LRPPRC: variants seen among roughly 807,000 people sequenced by gnomAD.
LRPPRC encodes the protein leucine-rich PPR motif-containing protein, mitochondrial.
In LRPPRC, 120 loss-of-function variants were observed where a neutral mutation model predicts 180.3. The observed-to-expected ratio is 0.67, with a 90% CI of 0.57 to 0.77. LRPPRC has a LOEUF of 0.77. Among genes scored for constraint, LRPPRC ranks in the 30% least tolerant of loss-of-function variants. LRPPRC has a pLI of 0.00. For missense variants in LRPPRC, 2,012 were observed against 1,657.2 expected (o/e 1.21, Z -3.72); for synonymous variants, 723 against 600.0 (o/e 1.21, Z -3.00).
chr2:43,965,276 G>A (rs1275575606), intron 11 of LRPPRC, among the ~76,000 whole-genome samples: 2 of 152,232 alleles, frequency 1.3e-5, no homozygotes, highest in East Asian at 3.9e-4. Flanking sequence ...GGTCAAGCTG[G>A]TCTTGAACCC....
chr2:43,892,767 A>G (rs1032695880), intron 36 of LRPPRC: 1 of 152,170 alleles, frequency 6.6e-6, no homozygotes, highest in Non-Finnish European at 1.5e-5. Flanking sequence ...CAAAGATGAC[A>G]CGCAAATGTG....
At chr2:43,910,858 G>A (rs947049560) in intron 30 of LRPPRC, among the ~76,000 whole-genome samples, 1 of 152,004 alleles carries the variant, frequency 6.6e-6, no homozygotes, top group Non-Finnish European at 1.5e-5. Flanking sequence ...GTACTTTCAG[G>A]AAGCATTTCA....
chr2:43,912,704 C>G (rs1451323860), intron 29 of LRPPRC, 146 bp from the exon 30 acceptor site: 3 of 635,608 alleles, frequency 4.7e-6, no homozygotes, highest in Non-Finnish European at 8.4e-6. Context: ...GAGAGACACA[C>G]TGACATAATT....
rs948863951 is a variant in LRPPRC, at chr2:43,995,841, G to A, written c.107C>T (p.Ala36Val). The A allele has an allele frequency of 1.5e-5, 22 of 1,457,614 alleles. No homozygotes were observed. In the East Asian group the frequency reaches 1.7e-4, roughly 11 times the overall value. 90.3% of individuals were successfully genotyped at this position (1,457,614 alleles called of 1,614,324 possible). ...GCGAGCGGCGGGCAGATAGGAGGCG[G>A]CATGCAGCCGGCCCGGGCCGCCAGG... ...LLPGGPGRLH[A>V]ASYLPAARAG... Residue 36 changes from alanine (A) to valine (V), a missense_variant, in exon 1 of 38, where the codon GCC becomes GTC. Transcript: ENST00000260665.
In LRPPRC at chr2:43,955,015, G is replaced by A. The variant is rs145911440; in HGVS notation, c.1649+2370C>T. ...AAAAGCATGGAAGGATACACTCCAG[G>A]CTCTTAATTTTGGCTTCCACGATAC... On this transcript the variant is annotated intron_variant, in intron 14 of 37. Coordinates refer to ENST00000260665, the MANE Select transcript of LRPPRC (RefSeq NM_133259.4). 4.6e-3 allele frequency among the ~76,000 whole-genome samples: 702 copies of A among 152,242 alleles called. 8 individuals are homozygous for A. Among genetic ancestry groups the A allele is most frequent in the African/African-American group, 0.016 (663 of 41,534 alleles).
At chr2:43,955,136 T>C (rs1673053566) in intron 14 of LRPPRC, among the ~76,000 whole-genome samples, 1 of 151,956 alleles carries the variant, frequency 6.6e-6, no homozygotes. Flanking sequence ...AGATGAGCCA[T>C]AGCTTCCAAC....
At chr2:43,953,017 CAT>C (rs1329184501) in intron 14 of LRPPRC, among the ~76,000 whole-genome samples, 2 of 152,184 alleles carry the variant, frequency 1.3e-5, no homozygotes, top group Non-Finnish European at 2.9e-5. Flanking sequence ...GTAATTATTT[CAT>C]AGTTTCTTAA....
chr2:43,896,551 C>A (rs1322368783), intron 35 of LRPPRC, 83 bp downstream of exon 35: 9 of 916,580 alleles, frequency 9.8e-6, no homozygotes, highest in Non-Finnish European at 1.6e-5. Context: ...GGTCCTGAAA[C>A]AACAGGCTTT....
chr2:43,981,199 A>C (rs146263893), intron 2 of LRPPRC, among the ~76,000 whole-genome samples: 312 of 151,272 alleles, frequency 2.1e-3, no homozygotes, highest in African/African-American at 6.5e-3. Flanking sequence ...TAGCTAATTG[A>C]AAATGAAAGG....
chr2:43,947,454 T>G (rs1672729743), intron 19 of LRPPRC, 84 bp from the exon 20 acceptor site: 1 of 733,084 alleles, frequency 1.4e-6, no homozygotes, highest in Non-Finnish European at 2.4e-6. Flanking sequence ...TTAAACTGAC[T>G]TTCCTTTCTA....
intron 1 of LRPPRC, among the ~76,000 whole-genome samples, chr2:43,990,640 T>C (rs1674733677): frequency 6.6e-6 from 1 of 152,162 alleles, no homozygotes. Flanking sequence ...CCATGTGTCC[T>C]CTAAAACTCA....
intron 15 of LRPPRC, 86 bp downstream of exon 15, chr2:43,950,487 T>A: frequency 8.2e-7 from 1 of 1,217,502 alleles, no homozygotes; most frequent in Non-Finnish European, 1.2e-6. Context: ...AAATATAGGT[T>A]TCATGATAAA....
chr2:43,912,626 T>C, intron 29 of LRPPRC, 68 bp from the exon 30 acceptor site: 1 of 1,438,824 alleles, frequency 7.0e-7, no homozygotes, highest in African/African-American at 1.4e-5. Context: ...ATGGAAAAAA[T>C]CCTGAAACAA....
chr2:43,906,536 C>A (rs531273836), intron 30 of LRPPRC, among the ~76,000 whole-genome samples: 5 of 152,156 alleles, frequency 3.3e-5, no homozygotes, highest in Admixed American at 2.6e-4. Flanking sequence ...ACACTGTTTG[C>A]GCATCTCCTG....
chr2:43,924,593 T>C (rs976850998), intron 27 of LRPPRC, among the ~76,000 whole-genome samples: 4 of 152,186 alleles, frequency 2.6e-5, no homozygotes, highest in Admixed American at 2.6e-4. Flanking sequence ...TTGTAATATA[T>C]AGCTGACTCA....
intron 1 of LRPPRC, among the ~76,000 whole-genome samples, chr2:43,984,600 G>A (rs1404442349): frequency 6.6e-6 from 1 of 152,182 alleles, no homozygotes; most frequent in African/African-American, 2.4e-5. Flanking sequence ...TCACTCTTCA[G>A]TTATATGGTC....
chr2:43,975,269 A>G (rs1006107752), intron 6 of LRPPRC, 52 bp from the exon 7 acceptor site: 25 of 1,514,288 alleles, frequency 1.7e-5, no homozygotes, highest in Non-Finnish European at 2.1e-5. Context: ...AATTTAATAT[A>G]GTTATTCAAA....
At chr2:43,992,696 G>C (rs1674838486) in intron 1 of LRPPRC, among the ~76,000 whole-genome samples, 1 of 152,190 alleles carries the variant, frequency 6.6e-6, no homozygotes, top group Non-Finnish European at 1.5e-5. Flanking sequence ...AAGGGAGTGA[G>C]AGATGAATGG....
intron 1 of LRPPRC, among the ~76,000 whole-genome samples, chr2:43,993,117 G>C (rs745716780): frequency 5.3e-5 from 8 of 152,108 alleles, no homozygotes. Flanking sequence ...TCTCATGAAG[G>C]GGAAAATGGA....
Sources: allele counts gnomAD v4.1 joint callset (sites outside exome capture counted in the v4.1 genomes callset), GRCh38; gene constraint gnomAD v4.1.1; transcripts MANE v1.5; gene names NCBI Gene and HGNC (gene_info 2026-07-23, HGNC 2026-07-21).